Variants in MARCHF4 observed in about 807,000 individuals in gnomAD.
The protein encoded by MARCHF4 is membrane associated ring-CH-type finger 4, also known as E3 ubiquitin-protein ligase MARCHF4.
A neutral mutation model predicts 43.9 loss-of-function variants in MARCHF4; 14 were observed. The observed-to-expected ratio is 0.32, with a 90% CI of 0.21 to 0.50. MARCHF4 has a LOEUF of 0.50. MARCHF4 is among the 20% of genes least tolerant of loss of function. The pLI, the probability that MARCHF4 is intolerant of heterozygous loss-of-function variation, is 0.98. For missense variants in MARCHF4, 468 were observed against 536.7 expected, an observed-to-expected ratio of 0.87 and a Z score of 1.27; for synonymous variants, 226 against 213.3, an observed-to-expected ratio of 1.06 and a Z score of -0.52.
At chr2:216,341,373 C>G (rs1692233372) in intron 1 of MARCHF4, among the ~76,000 whole-genome samples, 1 of 152,204 alleles carries the variant, frequency 6.6e-6, no homozygotes, top group African/African-American at 2.4e-5. Flanking sequence ...CTTGCCTATT[C>G]CACAGGGGCT....
intron 3 of MARCHF4, among the ~76,000 whole-genome samples, chr2:216,274,247 G>A (rs551753460): frequency 6.6e-6 from 1 of 152,294 alleles, no homozygotes; most frequent in African/African-American, 2.4e-5. Context: ...AGGATGTGGA[G>A]TGCAGTGAGG....
At chr2:216,333,576 G>A (rs919531578) in intron 1 of MARCHF4, among the ~76,000 whole-genome samples, 2 of 152,180 alleles carry the variant, frequency 1.3e-5, no homozygotes, top group African/African-American at 2.4e-5. Context: ...TAGGTGCCAC[G>A]AAAATCACAC....
At chr2:216,353,506 C>T (rs1195244107) in intron 1 of MARCHF4, among the ~76,000 whole-genome samples, 1 of 152,156 alleles carries the variant, frequency 6.6e-6, no homozygotes, top group Non-Finnish European at 1.5e-5. Context: ...TTGCCTTCCA[C>T]CTTGAACATG....
chr2:216,341,425 C>G (rs1446702885), intron 1 of MARCHF4, among the ~76,000 whole-genome samples: 1 of 152,174 alleles, frequency 6.6e-6, no homozygotes, highest in Non-Finnish European at 1.5e-5. Flanking sequence ...CACCCACATT[C>G]ACTGCTGATG....
At chr2:216,287,868 G>A (rs115353287) in intron 1 of MARCHF4, among the ~76,000 whole-genome samples, 2,805 of 151,918 alleles carry the variant, frequency 0.018, 88 homozygotes, top group African/African-American at 0.064. Context: ...CACCAGCTGT[G>A]CAAATTTAGC....
chr2:216,287,800 T>TA (rs565987395), intron 1 of MARCHF4, among the ~76,000 whole-genome samples: 44 of 145,664 alleles, frequency 3.0e-4, no homozygotes, highest in East Asian at 1.8e-3. Flanking sequence ...ATAATAAAAT[T>TA]AAAAAAAAAA....
intron 1 of MARCHF4, among the ~76,000 whole-genome samples, chr2:216,335,294 A>G (rs945613540): frequency 1.3e-5 from 2 of 152,240 alleles, no homozygotes; most frequent in Non-Finnish European, 2.9e-5. Flanking sequence ...CTGATATGCC[A>G]TTGAGAAATT....
intron 1 of MARCHF4, among the ~76,000 whole-genome samples, chr2:216,353,912 T>A (rs1419011587): frequency 1.3e-5 from 2 of 152,114 alleles, no homozygotes. Flanking sequence ...CATAGAAACA[T>A]GAGCTAGTGG....
chr2:216,369,983 G>C lies in MARCHF4; in HGVS notation c.278C>G (p.Pro93Arg). 6.4e-7 allele frequency: 1 copy of C among 1,550,816 alleles called. No individual in the cohort carries two copies. The highest frequency in any genetic ancestry group is 8.7e-7 in the Non-Finnish European group (1 of 1,144,688). ...GGGCTCCCTGCCCACCACTTCTCGGGGGCCCCTCCAGCCTGCCCACCCCCC... is the reference window on the plus strand; with the variant it reads ...GGGCTCCCTGCCCACCACTTCTCGGCGGCCCCTCCAGCCTGCCCACCCCCC... ...GAGGWAGWRG[P>R]REVVGREPPP... Residue 93 changes from proline (P) to arginine (R), a missense_variant, in exon 1 of 4, where the codon CCC becomes CGC. By Grantham distance (103) the Pro-to-Arg change is moderately radical (BLOSUM62 -2). Around this residue, in one of 3 missense-constraint regions of MARCHF4, gnomAD observed 190 missense variants for 158.5 expected, o/e 1.20. Coordinates refer to ENST00000273067, the MANE Select transcript of MARCHF4 (RefSeq NM_020814.3).
chr2:216,360,066 T>A (rs1692553216), intron 1 of MARCHF4, among the ~76,000 whole-genome samples: 1 of 152,074 alleles, frequency 6.6e-6, no homozygotes, highest in Non-Finnish European at 1.5e-5. Context: ...ACTTTGGAAT[T>A]CTCAAAGTCA....
intron 1 of MARCHF4, among the ~76,000 whole-genome samples, chr2:216,334,311 T>C (rs1334527125): frequency 6.6e-6 from 1 of 152,174 alleles, no homozygotes; most frequent in Non-Finnish European, 1.5e-5. Flanking sequence ...AACAGAGACT[T>C]CTTCCTTCAA....
At chr2:216,302,925 A>T (rs1691515548) in intron 1 of MARCHF4, among the ~76,000 whole-genome samples, 1 of 147,622 alleles carries the variant, frequency 6.8e-6, no homozygotes, top group African/African-American at 2.5e-5. Context: ...AAAAAAAAAG[A>T]AAATGGCATT....
chr2:216,285,683 C>T (rs975796097), intron 1 of MARCHF4, among the ~76,000 whole-genome samples: 4 of 152,178 alleles, frequency 2.6e-5, no homozygotes, highest in Non-Finnish European at 5.9e-5. Flanking sequence ...ACACCCATCA[C>T]GGCCTAAGGG....
chr2:216,301,526 C>T (rs1691493659), intron 1 of MARCHF4, among the ~76,000 whole-genome samples: 1 of 152,202 alleles, frequency 6.6e-6, no homozygotes, highest in Admixed American at 6.5e-5. Context: ...TGGTTTGAAG[C>T]AATGGCACAG....
intron 3 of MARCHF4, among the ~76,000 whole-genome samples, chr2:216,260,323 A>G (rs187060854): frequency 5.4e-4 from 82 of 152,366 alleles, no homozygotes; most frequent in African/African-American, 1.9e-3. Context: ...TTACATCTTC[A>G]TGGAGACACA....
intron 1 of MARCHF4, among the ~76,000 whole-genome samples, chr2:216,296,453 G>A (rs1364829076): frequency 1.3e-5 from 2 of 152,180 alleles, no homozygotes; most frequent in African/African-American, 4.8e-5. Context: ...TCCTGCACAT[G>A]TGTGTGTTTC....
intron 1 of MARCHF4, among the ~76,000 whole-genome samples, chr2:216,293,476 A>G (rs1238895190): frequency 6.6e-6 from 1 of 152,144 alleles, no homozygotes; most frequent in Non-Finnish European, 1.5e-5. Context: ...CTCTCCTACC[A>G]GCAGCTTACT....
intron 1 of MARCHF4, among the ~76,000 whole-genome samples, chr2:216,320,993 A>T (rs1469938837): frequency 6.6e-6 from 1 of 151,778 alleles, no homozygotes; most frequent in Non-Finnish European, 1.5e-5. Context: ...TTTTTCTTTA[A>T]GTAAGATTTT....
intron 1 of MARCHF4, among the ~76,000 whole-genome samples, chr2:216,326,870 G>A (rs1692001600): frequency 6.6e-6 from 1 of 151,564 alleles, no homozygotes; most frequent in African/African-American, 2.4e-5. Flanking sequence ...TAGATGACGA[G>A]TTAGTGGGTG....
Sources: allele counts gnomAD v4.1 joint callset (sites outside exome capture counted in the v4.1 genomes callset), GRCh38; gene constraint gnomAD v4.1.1; regional missense constraint gnomAD v4.1.1; transcripts MANE v1.5; gene names NCBI Gene and HGNC (gene_info 2026-07-23, HGNC 2026-07-21).